KLHL15: variants seen among roughly 807,000 people sequenced by gnomAD.
KLHL15 encodes the protein kelch like family member 15.
Under a neutral mutation model 29.3 loss-of-function variants are expected in KLHL15, and 1 was observed. The observed-to-expected ratio is 0.03, with a 90% CI of 0.01 to 0.16. The LOEUF (loss-of-function observed/expected upper bound fraction) is 0.16, where lower values mean the gene tolerates loss of function less well. Among genes scored for constraint, KLHL15 ranks in the 10% least tolerant of loss-of-function variants. The probability of loss-of-function intolerance (pLI) is 1.00; values close to 1 mark genes in which losing one functional copy is unlikely to be tolerated. For synonymous variants in KLHL15, 212 were observed against 184.5 expected, an observed-to-expected ratio of 1.15 and a Z score of -1.21; for missense variants, 215 against 478.5, an observed-to-expected ratio of 0.45 and a Z score of 5.14.
chrX:24,010,133 A>G (rs1028463134), intron 2 of KLHL15, among the ~76,000 whole-genome samples: 4 of 110,907 alleles, frequency 3.6e-5, no homozygotes, highest in African/African-American at 1.3e-4. Flanking sequence ...CACTTATTCC[A>G]TTGCAAACCC....
chrX:23,996,238 T>A (rs981879787), intron 3 of KLHL15, among the ~76,000 whole-genome samples: 5 of 111,829 alleles, frequency 4.5e-5, no homozygotes, highest in Non-Finnish European at 7.5e-5. Context: ...ATCCAAAAAA[T>A]GCTAACCTAA....
intron 2 of KLHL15, among the ~76,000 whole-genome samples, chrX:24,013,269 AT>A (rs577274005): frequency 1.9e-5 from 2 of 105,879 alleles, no homozygotes; most frequent in African/African-American, 3.4e-5. Context: ...TTAAAAAAAA[AT>A]TTTTTTTTTT....
intron 2 of KLHL15, among the ~76,000 whole-genome samples, chrX:24,019,641 G>A (rs1046774207): frequency 4.8e-5 from 5 of 104,038 alleles, no homozygotes; most frequent in Non-Finnish European, 9.6e-5. Flanking sequence ...AGAGATAAGT[G>A]ACAACACACA....
At chrX:24,015,418 G>A (rs779213684) in intron 2 of KLHL15, among the ~76,000 whole-genome samples, 16 of 112,503 alleles carry the variant, frequency 1.4e-4, no homozygotes, top group African/African-American at 5.2e-4. Context: ...TGCGATAGCC[G>A]AGACATATGC....
chrX:23,997,961 G>A (rs758770330), intron 3 of KLHL15, among the ~76,000 whole-genome samples: 2 of 108,823 alleles, frequency 1.8e-5, no homozygotes, highest in South Asian at 8.0e-4. Context: ...ATAAGCCTCC[G>A]AGGTAGAAAA....
intron 1 of KLHL15, among the ~76,000 whole-genome samples, chrX:24,026,033 G>A (rs1469716712): frequency 8.9e-6 from 1 of 111,769 alleles, no homozygotes; most frequent in Non-Finnish European, 1.9e-5. Flanking sequence ...GGCCACGGTG[G>A]GGGTGGGGGA....
intron 3 of KLHL15, among the ~76,000 whole-genome samples, chrX:23,991,342 AAACT>A: frequency 1.1e-5 from 1 of 87,435 alleles, no homozygotes; most frequent in South Asian, 1.1e-3. Flanking sequence ...AATAAGAACA[AAACT>A]CTGTCTCAAA....
Position 24,023,590 on chromosome X carries a change from T to C in KLHL15, c.-8+1267A>G, listed in dbSNP as rs1359673311. ...CATACTATATTTTTGATATGCCAAG[T>C]AAAAATGATCAATACTAATCTGTTA... On this transcript the variant is annotated intron_variant, in intron 2 of 3. Coordinates refer to ENST00000328046, the MANE Select transcript of KLHL15 (RefSeq NM_030624.3). Among the ~76,000 whole-genome samples, 3 of 112,101 alleles carry C rather than the reference T, an allele frequency of 2.7e-5. No individual in the cohort carries two copies. In the East Asian group the frequency reaches 8.3e-4, roughly 31 times the overall value.
chrX:24,017,080 T>C (rs1397071601), intron 2 of KLHL15, among the ~76,000 whole-genome samples: 1 of 109,523 alleles, frequency 9.1e-6, no homozygotes, highest in East Asian at 2.9e-4. Flanking sequence ...GGCGTGGTAG[T>C]GTGTGCCTGT....
intron 2 of KLHL15, among the ~76,000 whole-genome samples, chrX:24,016,669 A>G (rs1331017788): frequency 9.0e-6 from 1 of 111,108 alleles, no homozygotes; most frequent in Non-Finnish European, 1.9e-5. Flanking sequence ...CATGTCTCAA[A>G]AAAAAAATTG....
intron 3 of KLHL15, among the ~76,000 whole-genome samples, chrX:23,999,523 A>G (rs1929265458): frequency 2.0e-5 from 2 of 99,981 alleles, no homozygotes; most frequent in Non-Finnish European, 3.9e-5. Context: ...TGAACCTGGG[A>G]GGCGGAGCTT....
intron 3 of KLHL15, among the ~76,000 whole-genome samples, chrX:23,999,477 C>A (rs1209724679): frequency 1.8e-5 from 2 of 108,264 alleles, no homozygotes; most frequent in African/African-American, 6.8e-5. Context: ...CGCCTGTAAT[C>A]CCAGCTACTC....
intron 3 of KLHL15, among the ~76,000 whole-genome samples, chrX:23,999,242 TC>T (rs1480412163): frequency 1.8e-5 from 2 of 110,376 alleles, no homozygotes; most frequent in African/African-American, 6.6e-5. Flanking sequence ...AAGAAAGCTG[TC>T]CCTGTTCCAC....
At chrX:24,003,552 CAAAAAAAACCAAAAAAAAAAAAACA>C in intron 3 of KLHL15, among the ~76,000 whole-genome samples, 1 of 50,280 alleles carries the variant, frequency 2.0e-5, no homozygotes, top group East Asian at 8.6e-4. Flanking sequence ...GACTCCGTCT[CAAAAAAAACCAAAAAAAAAAAAACA>C]AAAAAAAACC....
intron 3 of KLHL15, among the ~76,000 whole-genome samples, chrX:23,998,753 C>T (rs756195833): frequency 2.2e-3 from 242 of 111,843 alleles, no homozygotes; most frequent in Non-Finnish European, 4.0e-3. Context: ...GGAACTAAAA[C>T]TTAAAAGCCT....
intron 3 of KLHL15, among the ~76,000 whole-genome samples, chrX:23,996,616 T>A (rs1449735469): frequency 9.0e-6 from 1 of 111,337 alleles, no homozygotes; most frequent in Non-Finnish European, 1.9e-5. Flanking sequence ...TGAGCCGAGA[T>A]CGCACCGCTG....
chrX:24,007,258 C>T (rs1235913354), intron 2 of KLHL15, among the ~76,000 whole-genome samples: 1 of 108,206 alleles, frequency 9.2e-6, no homozygotes, highest in African/African-American at 3.4e-5. Context: ...TTTGGGAGGC[C>T]GAAGTGGGTG....
Position 24,027,096 on chromosome X carries a change from C to T in KLHL15, c.-210+44G>A, listed in dbSNP as rs1021285726. 2.7e-5 allele frequency: 3 copies of T among 112,235 alleles called. No homozygotes were observed. The East Asian group carries it at 8.3e-4, about 31-fold the overall frequency. 9.2% of individuals were successfully genotyped at this position (112,235 alleles called of 1,213,427 possible). On this transcript the variant is annotated intron_variant, in intron 1 of 3. Coordinates refer to ENST00000328046, the MANE Select transcript of KLHL15 (RefSeq NM_030624.3). ...TAAACGCTGAGTTTGGATTTTTGTA[C>T]ATTAACTAACATTTTAAGCTATACA... is the stretch of plus-strand genomic sequence containing the variant.
chrX:24,004,261 C>T (rs974399079), intron 3 of KLHL15, among the ~76,000 whole-genome samples: 2 of 111,216 alleles, frequency 1.8e-5, no homozygotes, highest in Non-Finnish European at 3.8e-5. Flanking sequence ...GAGGCTGAGG[C>T]ATGAGAATTG....
Sources: allele counts gnomAD v4.1 joint callset (sites outside exome capture counted in the v4.1 genomes callset), GRCh38; gene constraint gnomAD v4.1.1; transcripts MANE v1.5; gene names NCBI Gene and HGNC (gene_info 2026-07-23, HGNC 2026-07-21).